The following DPYS variants were observed in gnomAD, a reference collection of about 807,000 sequenced individuals.
DPYS encodes the protein dihydropyrimidinase, also known as dihydropyrimidine amidohydrolase.
DPYS carries 39 observed loss-of-function variants against 50.3 expected under a neutral mutation model. The ratio of observed to expected loss-of-function variants is 0.78; its 90% CI spans 0.60 to 1.01. The LOEUF is 1.01. Among genes scored for constraint, DPYS ranks in the 50% least tolerant of loss-of-function variants. The pLI is 0.00. For synonymous variants in DPYS, 245 were observed against 250.7 expected, an observed-to-expected ratio of 0.98 and a Z score of 0.22; for missense variants, 659 against 680.9, an observed-to-expected ratio of 0.97 and a Z score of 0.36.
chr8:104,442,540 C>T (rs1813392209), intron 4 of DPYS, among the ~76,000 whole-genome samples: 1 of 152,142 alleles, frequency 6.6e-6, no homozygotes, highest in South Asian at 2.1e-4. Context: ...TTTAAAATCG[C>T]AGTACTTATA....
chr8:104,454,684 C>T (rs763891976), intron 1 of DPYS, among the ~76,000 whole-genome samples: 1 of 152,090 alleles, frequency 6.6e-6, no homozygotes, highest in Admixed American at 6.5e-5. Flanking sequence ...TAACAGGTAG[C>T]AAGTCTACTT....
chr8:104,428,570 C>T (rs6983974), intron 5 of DPYS, among the ~76,000 whole-genome samples: 33,733 of 152,206 alleles, frequency 0.22, 3,961 homozygotes, highest in Middle Eastern at 0.28. Flanking sequence ...GCAGGCCCTC[C>T]GGGGCAGTCC....
intron 7 of DPYS, among the ~76,000 whole-genome samples, chr8:104,403,021 C>T (rs1811873360): frequency 1.3e-5 from 2 of 152,180 alleles, no homozygotes; most frequent in Non-Finnish European, 2.9e-5. Context: ...CCGGCAATGG[C>T]TACCCTCTTT....
At chr8:104,402,850 A>C (rs1811865553) in intron 7 of DPYS, among the ~76,000 whole-genome samples, 1 of 152,152 alleles carries the variant, frequency 6.6e-6, no homozygotes, top group Non-Finnish European at 1.5e-5. Context: ...ACCTTTAAAC[A>C]TGGGGCTTAC....
In DPYS at chr8:104,392,777, C is replaced by T. The variant is rs1346921323; in HGVS notation, c.1443+7G>A. The T allele has an allele frequency of 6.2e-7, 1 of 1,613,898 alleles. No homozygotes were observed. Among genetic ancestry groups the T allele is most frequent in the African/African-American group, 1.3e-5 (1 of 74,914 alleles). ...CTTGTGGCAGTATCCCACTGTGGCA[C>T]ACTCACCCGGTCTCGCTGCTTTATT... On this transcript the variant is annotated splice_region_variant and intron_variant, in intron 8 of 9. Transcript: ENST00000351513.
intron 6 of DPYS, among the ~76,000 whole-genome samples, chr8:104,425,546 C>G (rs1317357): frequency 6.6e-6 from 1 of 151,534 alleles, no homozygotes; most frequent in African/African-American, 2.4e-5. Context: ...CCTAACACTT[C>G]GGGAGGCCGA....
chr8:104,385,470 A>G (rs1564077310), intron 8 of DPYS, among the ~76,000 whole-genome samples: 1 of 152,128 alleles, frequency 6.6e-6, no homozygotes, highest in African/African-American at 2.4e-5. Flanking sequence ...TGATTATGGT[A>G]TTTTTTCCCC....
intron 6 of DPYS, among the ~76,000 whole-genome samples, chr8:104,427,145 G>A (rs549264861): frequency 1.4e-5 from 2 of 146,164 alleles, no homozygotes; most frequent in East Asian, 4.1e-4. Context: ...AGGTTGCAGT[G>A]AGCCAAGATT....
At chr8:104,429,840 C>A in intron 4 of DPYS, 139 bp from the exon 5 acceptor site, 1 of 1,048,576 alleles carries the variant, frequency 9.5e-7, no homozygotes, top group Non-Finnish European at 1.4e-6. Context: ...CTATAATTTA[C>A]TTTTGTGGAC....
At chr8:104,426,083 G>A (rs1029757832) in intron 6 of DPYS, among the ~76,000 whole-genome samples, 7 of 152,188 alleles carry the variant, frequency 4.6e-5, no homozygotes, top group Admixed American at 6.5e-5. Flanking sequence ...GAAAATCTAA[G>A]TGAAGAGAAG....
chr8:104,451,583 A>C (rs1027424114), intron 1 of DPYS, among the ~76,000 whole-genome samples, 179 bp from the exon 2 acceptor site: 2 of 152,232 alleles, frequency 1.3e-5, no homozygotes, highest in African/African-American at 4.8e-5. Flanking sequence ...TCATAAATTA[A>C]GTTTAAAGTA....
At chr8:104,402,189 C>T (rs1260263336) in intron 7 of DPYS, among the ~76,000 whole-genome samples, 1 of 152,156 alleles carries the variant, frequency 6.6e-6, no homozygotes, top group Non-Finnish European at 1.5e-5. Context: ...ATGTCCTTCA[C>T]CTCCTATGCC....
chr8:104,380,911 C>G (rs1368341777), intron 9 of DPYS: 2 of 378,442 alleles, frequency 5.3e-6, no homozygotes, highest in Non-Finnish European at 1.0e-5. Context: ...TATCAGCCTC[C>G]TTAGTGCAAC....
At chr8:104,429,754 C>T in intron 4 of DPYS, 53 bp from the exon 5 acceptor site, 1 of 1,606,366 alleles carries the variant, frequency 6.2e-7, no homozygotes, top group Non-Finnish European at 8.5e-7. Flanking sequence ...TTAAGAGGAC[C>T]ATATGACAAA....
chr8:104,462,930 T>A (rs1174179484), intron 1 of DPYS, among the ~76,000 whole-genome samples: 1 of 152,248 alleles, frequency 6.6e-6, no homozygotes, highest in Admixed American at 6.5e-5. Context: ...TTACCTGTAA[T>A]TAAGCTAATC....
At chr8:104,431,153 G>C (rs958083904) in intron 4 of DPYS, among the ~76,000 whole-genome samples, 5 of 152,108 alleles carry the variant, frequency 3.3e-5, no homozygotes, top group Non-Finnish European at 7.4e-5. Context: ...ATTTTCCATG[G>C]TGCTTTATCA....
chr8:104,428,742 C>T (rs1382715228), intron 5 of DPYS, among the ~76,000 whole-genome samples: 7 of 152,054 alleles, frequency 4.6e-5, no homozygotes, highest in Non-Finnish European at 8.8e-5. Context: ...AACTCTTGTA[C>T]GGTCTGTCAT....
At chr8:104,460,168 C>T (rs144561272) in intron 1 of DPYS, among the ~76,000 whole-genome samples, 1 of 152,146 alleles carries the variant, frequency 6.6e-6, no homozygotes, top group African/African-American at 2.4e-5. Context: ...TCATGGAAAC[C>T]TTGATTTCTA....
rs564301199 is a variant in DPYS, at chr8:104,386,405, C to T, written c.1444-5091G>A. On this transcript the variant is annotated intron_variant, in intron 8 of 9. Coordinates refer to ENST00000351513, the MANE Select transcript of DPYS (RefSeq NM_001385.3). ...AAAATTATCCAGGTGTGGTGGCCTACGCCTGTAGTCCCAGCTACTTGGGAG... is the reference window on the plus strand; with the variant it reads ...AAAATTATCCAGGTGTGGTGGCCTATGCCTGTAGTCCCAGCTACTTGGGAG... Among the ~76,000 whole-genome samples, 182 of 151,752 alleles carry T rather than the reference C, an allele frequency of 1.2e-3. 1 individual carries two copies. Among genetic ancestry groups the T allele is most frequent in the Non-Finnish European group, 2.3e-3 (153 of 67,932 alleles).
Sources: gnomAD v4.1 joint callset for allele counts (sites outside exome capture counted in the v4.1 genomes callset) on GRCh38, gnomAD v4.1.1 for gene constraint, MANE v1.5 for transcripts, NCBI Gene and HGNC (gene_info 2026-07-23, HGNC 2026-07-21) for gene names.